B3GALT1: variants seen among roughly 807,000 people sequenced by gnomAD.
B3GALT1 encodes beta-1,3-galactosyltransferase 1, also known as UDP-Gal:betaGlcNAc beta 1,3-galactosyltransferase, polypeptide 1.
B3GALT1 carries 10 observed loss-of-function variants against 23.2 expected under a neutral mutation model. The ratio of observed to expected loss-of-function variants is 0.43; its 90% CI spans 0.27 to 0.73. The LOEUF is 0.73. Ranked by LOEUF, B3GALT1 falls within the 30% of genes least tolerant of loss-of-function variation. B3GALT1 has a pLI of 0.21. For synonymous variants in B3GALT1, 156 were observed against 141.5 expected (o/e 1.10, Z -0.73); for missense variants, 299 against 405.4 (o/e 0.74, Z 2.25).
chr2:167,724,272 C>A (rs1182033944), intron 3 of B3GALT1, among the ~76,000 whole-genome samples: 2 of 152,138 alleles, frequency 1.3e-5, no homozygotes, highest in African/African-American at 2.4e-5. Context: ...TGGAGGGACT[C>A]AGAGTCCTAC....
intron 1 of B3GALT1, among the ~76,000 whole-genome samples, chr2:167,377,453 G>T (rs1249566017): frequency 6.6e-6 from 1 of 152,128 alleles, no homozygotes; most frequent in Non-Finnish European, 1.5e-5. Context: ...CTATTATTGT[G>T]TGGCTAAGTC....
intron 2 of B3GALT1, among the ~76,000 whole-genome samples, chr2:167,639,441 C>A (rs1328908415): frequency 6.6e-6 from 1 of 151,938 alleles, no homozygotes; most frequent in African/African-American, 2.4e-5. Flanking sequence ...CAGTAACCTG[C>A]AAAGATTCTT....
intron 1 of B3GALT1, among the ~76,000 whole-genome samples, chr2:167,322,292 G>A (rs1375929495): frequency 4.7e-5 from 7 of 150,058 alleles, no homozygotes; most frequent in Non-Finnish European, 1.5e-5. Flanking sequence ...TTTAATAGTT[G>A]AGTTTCTGAA....
chr2:167,306,850 G>A (rs1462196454), intron 1 of B3GALT1, among the ~76,000 whole-genome samples: 1 of 151,898 alleles, frequency 6.6e-6, no homozygotes, highest in East Asian at 1.9e-4. Flanking sequence ...AAGCACTTAT[G>A]CTGGTCTTTC....
chr2:167,863,535 G>C (rs913276411), intron 4 of B3GALT1, among the ~76,000 whole-genome samples: 1 of 152,138 alleles, frequency 6.6e-6, no homozygotes, highest in Non-Finnish European at 1.5e-5. Flanking sequence ...CTGAGACACA[G>C]AAAATCCACA....
At chr2:167,819,195 T>C (rs558420494) in intron 4 of B3GALT1, among the ~76,000 whole-genome samples, 26 of 152,308 alleles carry the variant, frequency 1.7e-4, no homozygotes, top group African/African-American at 5.5e-4. Flanking sequence ...ACTAAAGATA[T>C]GCTTTAGATG....
At chr2:167,861,684 T>G (rs756098924) in intron 4 of B3GALT1, among the ~76,000 whole-genome samples, 11 of 152,132 alleles carry the variant, frequency 7.2e-5, no homozygotes, top group Non-Finnish European at 1.3e-4. Context: ...CATCCCACCT[T>G]TGTTTAGTCT....
At chr2:167,350,673 C>G (rs145062210) in intron 1 of B3GALT1, among the ~76,000 whole-genome samples, 1 of 152,278 alleles carries the variant, frequency 6.6e-6, no homozygotes, top group Non-Finnish European at 1.5e-5. Flanking sequence ...GTATTTCAGT[C>G]CCCGTGGGGC....
At chr2:167,731,653 A>T (rs945054568) in intron 3 of B3GALT1, among the ~76,000 whole-genome samples, 14 of 152,172 alleles carry the variant, frequency 9.2e-5, no homozygotes, top group African/African-American at 3.4e-4. Flanking sequence ...ATTTGAGCAC[A>T]CCCTCTGTGT....
chr2:167,522,213 G>A (rs1262470413), intron 2 of B3GALT1, among the ~76,000 whole-genome samples: 1 of 151,710 alleles, frequency 6.6e-6, no homozygotes, highest in Non-Finnish European at 1.5e-5. Flanking sequence ...ATAAAGTGTC[G>A]AGTCATTACT....
intron 2 of B3GALT1, among the ~76,000 whole-genome samples, chr2:167,511,349 T>C (rs1439593828): frequency 1.3e-5 from 2 of 152,178 alleles, no homozygotes; most frequent in African/African-American, 4.8e-5. Flanking sequence ...TGATATGGAA[T>C]TCTTGGTTCT....
intron 2 of B3GALT1, among the ~76,000 whole-genome samples, chr2:167,512,373 AAATAT>A (rs1700018655): frequency 6.6e-6 from 1 of 151,072 alleles, no homozygotes; most frequent in East Asian, 1.9e-4. Context: ...ATTATTCTAT[AAATAT>A]AATAAAATGT....
intron 3 of B3GALT1, among the ~76,000 whole-genome samples, chr2:167,810,554 G>C (rs1478065268): frequency 6.6e-6 from 1 of 151,024 alleles, no homozygotes; most frequent in Non-Finnish European, 1.5e-5. Flanking sequence ...CAAGTTCAAT[G>C]AATATAGGCA....
At chr2:167,400,613 A>G (rs1183370417) in intron 1 of B3GALT1, among the ~76,000 whole-genome samples, 1 of 152,036 alleles carries the variant, frequency 6.6e-6, no homozygotes, top group Non-Finnish European at 1.5e-5. Flanking sequence ...TTTGTTGCAG[A>G]CTCATTCACT....
At chr2:167,850,813 G>C (rs182861923) in intron 4 of B3GALT1, among the ~76,000 whole-genome samples, 1 of 152,022 alleles carries the variant, frequency 6.6e-6, no homozygotes, top group Non-Finnish European at 1.5e-5. Context: ...TGGGGACTTG[G>C]GGGGAAGAGT....
At chr2:167,448,750 C>T (rs955042341) in intron 1 of B3GALT1, among the ~76,000 whole-genome samples, 10 of 152,016 alleles carry the variant, frequency 6.6e-5, no homozygotes, top group African/African-American at 2.4e-4. Flanking sequence ...GATTTAAGTC[C>T]TTCATTCATT....
intron 2 of B3GALT1, among the ~76,000 whole-genome samples, chr2:167,573,650 T>G (rs1684335630): frequency 6.6e-6 from 1 of 151,788 alleles, no homozygotes; most frequent in Non-Finnish European, 1.5e-5. Flanking sequence ...ATCTGGAGAA[T>G]TGTAATTAGC....
chr2:167,468,070 C>T (rs1042995283), intron 1 of B3GALT1, among the ~76,000 whole-genome samples: 2 of 152,062 alleles, frequency 1.3e-5, no homozygotes, highest in African/African-American at 4.8e-5. Flanking sequence ...CAGTAGGAGT[C>T]TCCAAGGGCC....
At chr2:167,776,323 A>AG (rs1688161616) in intron 3 of B3GALT1, among the ~76,000 whole-genome samples, 1 of 152,086 alleles carries the variant, frequency 6.6e-6, no homozygotes, top group Non-Finnish European at 1.5e-5. Flanking sequence ...ACAGAAATGG[A>AG]CATGTTGTAG....
Sources: gnomAD v4.1 joint callset for allele counts (sites outside exome capture counted in the v4.1 genomes callset) on GRCh38, gnomAD v4.1.1 for gene constraint, MANE v1.5 for transcripts, NCBI Gene and HGNC (gene_info 2026-07-23, HGNC 2026-07-21) for gene names.